The following IRX1 variants were observed in gnomAD, a reference collection of about 807,000 sequenced individuals.
The protein encoded by IRX1 is iroquois-class homeodomain protein IRX-1.
IRX1 carries 22 observed loss-of-function variants against 34.1 expected under a neutral mutation model. That is an observed-to-expected ratio of 0.64 (90% CI 0.46 to 0.92). The LOEUF (loss-of-function observed/expected upper bound fraction) is 0.92, where lower values mean the gene tolerates loss of function less well. Among genes scored for constraint, IRX1 ranks in the 40% least tolerant of loss-of-function variants. The probability of loss-of-function intolerance (pLI) is 0.00; values close to 1 mark genes in which losing one functional copy is unlikely to be tolerated. For missense variants in IRX1, 758 were observed against 680.0 expected (o/e 1.11, Z -1.28); for synonymous variants, 363 against 319.0 (o/e 1.14, Z -1.47).
rs1733871220 is a variant in IRX1, at chr5:3,599,090, T to C, written c.277-135T>C. 9.0e-6 allele frequency: 8 copies of C among 888,018 alleles called. No individual in the cohort carries two copies. The Admixed American group carries it at 1.4e-4, about 16-fold the overall frequency. The allele number at this position is 888,018 out of a possible 1,614,324, so 55.0% of individuals were successfully genotyped here. On this transcript the variant is annotated intron_variant, in intron 1 of 3. Coordinates refer to ENST00000302006, the MANE Select transcript of IRX1 (RefSeq NM_024337.4). This position sits in a 1 kb window ranked among gnomAD's most constrained non-coding sequence, Gnocchi z 6.6. ...GCACAGGAGAGCCCCGCAAAGCGCC[T>C]GGGAGGCCCTCGAGTCCATTGAAGC...
chr5:3,597,873 T>C (rs828340), intron 1 of IRX1, among the ~76,000 whole-genome samples: 139,307 of 152,226 alleles, frequency 0.92, 63,899 homozygotes, highest in Middle Eastern at 0.94. Context: ...AGAGGATGAA[T>C]ATTTTTTACA....
intron 1 of IRX1, among the ~76,000 whole-genome samples, chr5:3,598,441 C>G (rs1212591978): frequency 6.6e-6 from 1 of 152,174 alleles, no homozygotes; most frequent in Non-Finnish European, 1.5e-5. Flanking sequence ...GGATACTGAA[C>G]CGGTTCCCCT....
intron 1 of IRX1, among the ~76,000 whole-genome samples, chr5:3,597,638 A>G (rs1191262457): frequency 1.3e-5 from 2 of 152,240 alleles, no homozygotes; most frequent in Non-Finnish European, 2.9e-5. Context: ...AAGAATTCCC[A>G]GTGGAGACGA....
At position 3,599,617 on chromosome 5, in the gene IRX1, C is replaced by A. The variant is rs373684329; in HGVS notation, c.669C>A (p.Ile223=). ...AGAAGGCCGAGGACGACGAGGAGAT[C>A]GACCTGGAAAGCATCGACATTGACA... ...DPEKAEDDEE[I]DLESIDIDKI... Residue 223 remains isoleucine (I), a synonymous_variant, in exon 2 of 4, where the codon ATC becomes ATA. Coordinates refer to ENST00000302006, the MANE Select transcript of IRX1 (RefSeq NM_024337.4). This position sits in a 1 kb window ranked among gnomAD's most constrained non-coding sequence, Gnocchi z 6.6. 53 of 1,613,866 alleles carry A rather than the reference C, an allele frequency of 3.3e-5. No individual in the cohort carries two copies. The highest frequency in any genetic ancestry group is 5.3e-5 in the African/African-American group (4 of 74,926).
In IRX1 at chr5:3,595,964, G is replaced by A. The variant is rs1341776788; in HGVS notation, c.-142G>A. The A allele has an allele frequency of 3.8e-5, 14 of 366,098 alleles. No individual in the cohort carries two copies. The highest frequency in any genetic ancestry group is 5.3e-5 in the Non-Finnish European group (14 of 262,034). The allele number at this position is 366,098 out of a possible 1,614,324, so 22.7% of individuals were successfully genotyped here. ...AGCCGCGACCGGCCTCCATCTCCCG[G>A]CCCGCCCGAGCGCGCCCGGCCGGCC... On this transcript the variant is annotated 5_prime_UTR_variant, in exon 1 of 4. Coordinates refer to ENST00000302006, the MANE Select transcript of IRX1 (RefSeq NM_024337.4).
intron 1 of IRX1, among the ~76,000 whole-genome samples, chr5:3,596,977 C>A (rs865992506): frequency 6.6e-6 from 1 of 152,078 alleles, no homozygotes. Context: ...CTCTCCACGG[C>A]GTGAGTGCGA....
chr5:3,600,753 C>CG, intron 3 of IRX1, 72 bp downstream of exon 3: 1 of 1,425,784 alleles, frequency 7.0e-7, no homozygotes, highest in Non-Finnish European at 9.8e-7. Flanking sequence ...GGGACCCGGG[C>CG]GGAGCTGGCT....
Position 3,600,279 on chromosome 5 carries a change from T to A in IRX1, c.1312+19T>A. 6.5e-7 allele frequency: 1 copy of A among 1,542,940 alleles called. No homozygotes were observed. The highest frequency in any genetic ancestry group is 8.7e-7 in the Non-Finnish European group (1 of 1,148,258). On this transcript the variant is annotated intron_variant, in intron 2 of 3. Transcript: ENST00000302006. The stretch of plus-strand genomic sequence containing the variant: ...CTCCCAGGTACAGCTCCAGGCCGCG[T>A]CCACCTGTCCCCTAGCTGGGAATGC...
Position 3,596,389 on chromosome 5 carries a change from C to G in IRX1, c.276+8C>G, listed in dbSNP as rs764254833. The G allele has an allele frequency of 1.9e-5, 29 of 1,508,852 alleles. No homozygotes were observed. In the African/African-American group the frequency reaches 3.3e-4, roughly 17 times the overall value. 93.5% of individuals were successfully genotyped at this position (1,508,852 alleles called of 1,614,324 possible). The stretch of plus-strand genomic sequence containing the variant: ...AGCCTCTTCTCGCAGATGGTGAGTG[C>G]GCCCGGCCTCCCCCGCTTCTCCTCT... On this transcript the variant is annotated splice_region_variant and intron_variant, in intron 1 of 3. Transcript: ENST00000302006.
At position 3,600,256 on chromosome 5, in the gene IRX1, C is replaced by A; in HGVS notation, c.1308C>A (p.Leu436=). The change falls in exon 2 of 4, where the codon CTC becomes CTA. Residue 436 remains leucine (L), a synonymous_variant. Coordinates refer to ENST00000302006, the MANE Select transcript of IRX1 (RefSeq NM_024337.4). ...DKASVRSSPT[L]PERDLVPRPD... ...CCTCGGTCCGCAGCAGCCCCACGCT[C>A]CCAGGTACAGCTCCAGGCCGCGTCC... 1.3e-6 allele frequency: 2 copies of A among 1,586,750 alleles called. No individual in the cohort carries two copies. Among genetic ancestry groups the A allele is most frequent in the South Asian group, 2.3e-5 (2 of 88,134 alleles).
In IRX1 at chr5:3,596,353, C is replaced by T; in HGVS notation, c.248C>T (p.Ala83Val). The change falls in exon 1 of 4, where the codon GCC becomes GTC. Residue 83 changes from alanine to valine, a missense_variant. Ala to Val is a moderately conservative substitution (Grantham distance 64). Around this residue, in one of 3 missense-constraint regions of IRX1, gnomAD observed 195 missense variants for 195.0 expected, o/e 1.00. Coordinates refer to ENST00000302006, the MANE Select transcript of IRX1 (RefSeq NM_024337.4). The part of the protein sequence containing the change: ...APNYSAFLPY[A>V]ADLSLFSQMG... ...AACTACAGCGCCTTCCTGCCCTACG[C>T]CGCGGATCTCAGCCTCTTCTCGCAG... 2 of 1,539,570 alleles carry T rather than the reference C, an allele frequency of 1.3e-6. No individual in the cohort carries two copies. The highest frequency in any genetic ancestry group is 1.2e-5 in the South Asian group (1 of 82,866).
At chr5:3,596,547 G>A (rs1201968280) in intron 1 of IRX1, among the ~76,000 whole-genome samples, 166 bp downstream of exon 1, 1 of 151,774 alleles carries the variant, frequency 6.6e-6, no homozygotes, top group Non-Finnish European at 1.5e-5. Context: ...CCCCGGGGAC[G>A]CAAGAGGGCT....
In IRX1 at chr5:3,596,236, G is replaced by A. The variant is rs1278965861; in HGVS notation, c.131G>A (p.Gly44Glu). 8.6e-7 allele frequency: 1 copy of A among 1,166,792 alleles called. No individual in the cohort carries two copies. 72.3% of individuals were successfully genotyped at this position (1,166,792 alleles called of 1,614,324 possible). A position where few individuals can be genotyped will look rare whatever the true frequency, so the allele number is the denominator to read the frequency against. The part of the protein sequence containing the change: ...AAAAASSGRP[G>E]AAELGGGAGA... Reference sequence around the variant, plus strand: ...GCCGCCGCCTCGTCGGGCCGACCGGGGGCCGCGGAGCTGGGCGGCGGGGCA... The same window carrying A: ...GCCGCCGCCTCGTCGGGCCGACCGGAGGCCGCGGAGCTGGGCGGCGGGGCA... Residue 44 changes from glycine to glutamate, a missense_variant, in exon 1 of 4, where the codon GGG (glycine) becomes GAG (glutamate). This residue lies in a region of IRX1 where 195 missense variants were observed against 195.0 expected (regional missense o/e 1.00). Transcript: ENST00000302006.
At position 3,599,791 on chromosome 5, in the gene IRX1, C is replaced by T. The variant is rs1444709953; in HGVS notation, c.843C>T (p.Pro281=). The stretch of plus-strand genomic sequence containing the variant: ...ACGTTCTCAAGCCCCAGGACTCGCC[C>T]TTGGGCCTGGCAAAGGAGGCCCCAG... The part of the protein sequence containing the change: ...AADVLKPQDS[P]LGLAKEAPEP... Residue 281 remains proline, a synonymous_variant, in exon 2 of 4, where the codon CCC becomes CCT. Coordinates refer to ENST00000302006, the MANE Select transcript of IRX1 (RefSeq NM_024337.4). The surrounding 1 kb of genome is among the most constrained non-coding windows in gnomAD (Gnocchi z 6.6). 1 of 1,600,434 alleles carries T rather than the reference C, an allele frequency of 6.2e-7. No homozygotes were observed. Among genetic ancestry groups the T allele is most frequent in the Non-Finnish European group, 8.5e-7 (1 of 1,174,606 alleles).
In IRX1 at chr5:3,599,526, G is replaced by A; in HGVS notation, c.578G>A (p.Trp193Ter). The A allele has an allele frequency of 6.2e-7, 1 of 1,614,186 alleles. No individual in the cohort carries two copies. The highest frequency in any genetic ancestry group is 8.5e-7 in the Non-Finnish European group (1 of 1,180,032). ...CTCAAGAAGGAGAACAAGGTGACATGGGGAGCGCGCAGCAAGGACCAGGAA... is the reference window on the plus strand; with the variant it reads ...CTCAAGAAGGAGAACAAGGTGACATAGGGAGCGCGCAGCAAGGACCAGGAA... ...RRLKKENKVT[W>*]GARSKDQEDG... The change falls in exon 2 of 4, where the codon TGG becomes TAG. Residue 193 changes from tryptophan to a stop codon, truncating the protein, a stop_gained. Transcript: ENST00000302006. LOFTEE classifies it high-confidence loss of function. This position sits in a 1 kb window ranked among gnomAD's most constrained non-coding sequence, Gnocchi z 6.6.
chr5:3,596,388 G>C lies in IRX1; in HGVS notation c.276+7G>C. 1 of 1,514,846 alleles carries C rather than the reference G, an allele frequency of 6.6e-7. No homozygotes were observed. The highest frequency in any genetic ancestry group is 1.3e-5 in the South Asian group (1 of 79,908). 93.8% of individuals were successfully genotyped at this position (1,514,846 alleles called of 1,614,324 possible). A position where few individuals can be genotyped will look rare whatever the true frequency, so the allele number is the denominator to read the frequency against. On this transcript the variant is annotated splice_region_variant and intron_variant, in intron 1 of 3. Transcript: ENST00000302006. The stretch of plus-strand genomic sequence containing the variant: ...CAGCCTCTTCTCGCAGATGGTGAGT[G>C]CGCCCGGCCTCCCCCGCTTCTCCTC...
intron 1 of IRX1, among the ~76,000 whole-genome samples, chr5:3,598,881 A>G (rs1220770467): frequency 2.0e-5 from 3 of 152,268 alleles, no homozygotes; most frequent in East Asian, 3.9e-4. Flanking sequence ...GGGGTCGCCT[A>G]GGGAACTTGC....
At position 3,601,244 on chromosome 5, in the gene IRX1, G is replaced by C; in HGVS notation, c.*204G>C. On this transcript the variant is annotated 3_prime_UTR_variant, in exon 4 of 4. Coordinates refer to ENST00000302006, the MANE Select transcript of IRX1 (RefSeq NM_024337.4). ...TCCAGGTGGCCAGGCCTCTGCCGGCGGCTCCAGTGGCTGCGATTATCGGGT... is the reference window on the plus strand; with the variant it reads ...TCCAGGTGGCCAGGCCTCTGCCGGCCGCTCCAGTGGCTGCGATTATCGGGT... The C allele has an allele frequency of 1.7e-6, 1 of 596,006 alleles. No individual in the cohort carries two copies. Among genetic ancestry groups the C allele is most frequent in the Non-Finnish European group, 3.0e-6 (1 of 334,132 alleles). 36.9% of individuals were successfully genotyped at this position (596,006 alleles called of 1,614,324 possible).
chr5:3,596,462 G>C, intron 1 of IRX1, 81 bp downstream of exon 1: 1 of 1,304,810 alleles, frequency 7.7e-7, no homozygotes, highest in Non-Finnish European at 9.9e-7. Context: ...GGGAGGGAGA[G>C]ACTACGGGTG....
Sources: allele counts gnomAD v4.1 joint callset (sites outside exome capture counted in the v4.1 genomes callset), GRCh38; gene constraint gnomAD v4.1.1; regional missense constraint gnomAD v4.1.1; non-coding constraint Gnocchi (gnomAD v3.1); transcripts MANE v1.5; gene names NCBI Gene and HGNC (gene_info 2026-07-23, HGNC 2026-07-21).